HHAT: variants seen among roughly 807,000 people sequenced by gnomAD.
HHAT encodes protein-cysteine N-palmitoyltransferase HHAT.
HHAT carries 47 observed loss-of-function variants against 70.8 expected under a neutral mutation model. The ratio of observed to expected loss-of-function variants is 0.66; its 90% CI spans 0.53 to 0.85. The LOEUF (loss-of-function observed/expected upper bound fraction) is 0.85, where lower values mean the gene tolerates loss of function less well. Among genes scored for constraint, HHAT ranks in the 40% least tolerant of loss-of-function variants. The pLI, the probability that HHAT is intolerant of heterozygous loss-of-function variation, is 0.00. For synonymous variants in HHAT, 228 were observed against 247.6 expected, an observed-to-expected ratio of 0.92 and a Z score of 0.74; for missense variants, 609 against 604.8, an observed-to-expected ratio of 1.01 and a Z score of -0.07.
chr1:210,386,081 A>G (rs971421796), intron 3 of HHAT, among the ~76,000 whole-genome samples: 3 of 152,088 alleles, frequency 2.0e-5, no homozygotes, highest in Non-Finnish European at 4.4e-5. Flanking sequence ...TTTGTGTGCA[A>G]CTGGTATGAC....
chr1:210,586,303 G>A (rs1660429716), intron 9 of HHAT, among the ~76,000 whole-genome samples: 1 of 152,052 alleles, frequency 6.6e-6, no homozygotes. Flanking sequence ...AGCTGGGTGT[G>A]GTGGTGCATG....
chr1:210,480,269 C>A (rs2148483942), intron 8 of HHAT, among the ~76,000 whole-genome samples: 1 of 152,308 alleles, frequency 6.6e-6, no homozygotes, highest in Admixed American at 6.5e-5. Context: ...GTATTGAAAT[C>A]CCACGGACAG....
intron 9 of HHAT, among the ~76,000 whole-genome samples, chr1:210,553,880 C>A (rs559081719): frequency 4.6e-5 from 7 of 152,320 alleles, no homozygotes; most frequent in African/African-American, 1.7e-4. Flanking sequence ...CATTACTCTC[C>A]AGCTGCCTTC....
chr1:210,392,130 A>C (rs1210707342), intron 4 of HHAT, among the ~76,000 whole-genome samples: 1 of 152,122 alleles, frequency 6.6e-6, no homozygotes, highest in African/African-American at 2.4e-5. Context: ...CAGCATCCCA[A>C]AGTGCTGGGA....
intron 11 of HHAT, among the ~76,000 whole-genome samples, chr1:210,647,215 G>A (rs1203375283): frequency 6.6e-6 from 1 of 152,130 alleles, no homozygotes; most frequent in East Asian, 1.9e-4. Flanking sequence ...TCTGTCTCCT[G>A]TCTGTCTTTT....
intron 6 of HHAT, among the ~76,000 whole-genome samples, chr1:210,417,431 C>A (rs2092755723): frequency 6.6e-6 from 1 of 152,096 alleles, no homozygotes; most frequent in South Asian, 2.1e-4. Context: ...GATGGGGTTT[C>A]ACCATATTGG....
At chr1:210,416,885 A>G (rs1168526958) in intron 6 of HHAT, among the ~76,000 whole-genome samples, 3 of 152,214 alleles carry the variant, frequency 2.0e-5, no homozygotes, top group African/African-American at 7.2e-5. Context: ...ATCATATTTA[A>G]TCACCACAAC....
At chr1:210,655,169 G>T (rs946377497) in intron 11 of HHAT, among the ~76,000 whole-genome samples, 6 of 152,326 alleles carry the variant, frequency 3.9e-5, no homozygotes, top group Non-Finnish European at 8.8e-5. Context: ...CCCATGTAAA[G>T]ATTACCAGGA....
chr1:210,584,272 T>TA lies in HHAT; in HGVS notation c.1044-3616dup, dbSNP rs954705508. On this transcript the variant is annotated intron_variant, in intron 9 of 11. Transcript: ENST00000261458. ...TCACTTTTATATAGTGAGATAAGATTAAAAAAAAAATCTCTTCTCTTGGGT... is the reference window on the plus strand; with the variant it reads ...TCACTTTTATATAGTGAGATAAGATTAAAAAAAAAAATCTCTTCTCTTGGGT... 6.4e-3 allele frequency among the ~76,000 whole-genome samples: 964 copies of TA among 150,032 alleles called. 14 individuals carry two copies. The highest frequency in any genetic ancestry group is 0.04 in the East Asian group (205 of 5,116).
At chr1:210,437,329 T>C (rs1324875575) in intron 7 of HHAT, among the ~76,000 whole-genome samples, 2 of 151,896 alleles carry the variant, frequency 1.3e-5, no homozygotes, top group African/African-American at 4.9e-5. Flanking sequence ...AACATGACAG[T>C]GACTAAGATG....
chr1:210,390,580 A>G (rs1284094012), intron 4 of HHAT, among the ~76,000 whole-genome samples: 1 of 152,094 alleles, frequency 6.6e-6, no homozygotes, highest in Non-Finnish European at 1.5e-5. Context: ...GTGGTGATTT[A>G]TGAAATTTTA....
At chr1:210,414,930 A>G (rs2092675331) in intron 6 of HHAT, among the ~76,000 whole-genome samples, 1 of 152,142 alleles carries the variant, frequency 6.6e-6, no homozygotes, top group African/African-American at 2.4e-5. Context: ...AGGCACAGAA[A>G]TAGCTTGAAC....
At chr1:210,396,437 C>T (rs2091791684) in intron 4 of HHAT, among the ~76,000 whole-genome samples, 1 of 152,198 alleles carries the variant, frequency 6.6e-6, no homozygotes, top group African/African-American at 2.4e-5. Context: ...ATAGTAACAG[C>T]ACCAAATGCT....
chr1:210,469,898 A>C (rs1424499491), intron 8 of HHAT, among the ~76,000 whole-genome samples: 2 of 152,110 alleles, frequency 1.3e-5, no homozygotes, highest in East Asian at 3.9e-4. Flanking sequence ...ATAGGTATAC[A>C]TGTACCATGG....
chr1:210,368,314 AT>A (rs887253927), intron 3 of HHAT, among the ~76,000 whole-genome samples: 12 of 152,248 alleles, frequency 7.9e-5, no homozygotes, highest in African/African-American at 1.2e-4. Flanking sequence ...TTTTAAAAAA[AT>A]GTATGTATTT....
chr1:210,537,175 A>T (rs2095381729), intron 9 of HHAT, among the ~76,000 whole-genome samples: 1 of 152,156 alleles, frequency 6.6e-6, no homozygotes, highest in Non-Finnish European at 1.5e-5. Context: ...GTAGGGCTGG[A>T]CTTCAGTCTG....
intron 11 of HHAT, among the ~76,000 whole-genome samples, chr1:210,658,186 G>C (rs1032683603): frequency 2.6e-5 from 4 of 152,022 alleles, no homozygotes; most frequent in Admixed American, 2.6e-4. Context: ...CTTATGTTCC[G>C]GCCCACATGC....
At chr1:210,633,349 T>C (rs1395544952) in intron 11 of HHAT, among the ~76,000 whole-genome samples, 1 of 152,132 alleles carries the variant, frequency 6.6e-6, no homozygotes, top group East Asian at 1.9e-4. Context: ...GAAGTGAGGA[T>C]GGGAGTAGTC....
At chr1:210,614,560 C>G (rs548703863) in intron 10 of HHAT, among the ~76,000 whole-genome samples, 88 of 152,242 alleles carry the variant, frequency 5.8e-4, no homozygotes, top group Middle Eastern at 3.4e-3. Flanking sequence ...ATCCCTCTCC[C>G]CTCCCCCCAC....
Sources: allele counts gnomAD v4.1 joint callset (sites outside exome capture counted in the v4.1 genomes callset), GRCh38; gene constraint gnomAD v4.1.1; transcripts MANE v1.5; gene names NCBI Gene and HGNC (gene_info 2026-07-23, HGNC 2026-07-21).